Variants in MAP3K14 observed in about 807,000 individuals in gnomAD.
MAP3K14 encodes the protein mitogen-activated protein kinase kinase kinase 14.
MAP3K14 carries 16 observed loss-of-function variants against 99.2 expected under a neutral mutation model. The ratio of observed to expected loss-of-function variants is 0.16; its 90% CI spans 0.11 to 0.24. MAP3K14 has a LOEUF of 0.24. MAP3K14 is among the 10% of genes least tolerant of loss of function. MAP3K14 has a pLI of 1.00. For missense variants in MAP3K14, 784 were observed against 1,208.7 expected, an observed-to-expected ratio of 0.65 and a Z score of 5.21; for synonymous variants, 462 against 492.4, an observed-to-expected ratio of 0.94 and a Z score of 0.82.
intron 1 of MAP3K14, among the ~76,000 whole-genome samples, chr17:45,307,910 A>G (rs1028155578): frequency 2.6e-5 from 4 of 152,240 alleles, no homozygotes; most frequent in African/African-American, 9.6e-5. Flanking sequence ...GGCAACCTTG[A>G]CCCTGGCCTC....
rs1256136555 is a variant in MAP3K14 at position 45,289,158 on chromosome 17, CG to C, written c.326+77del. 3.1e-6 allele frequency: 4 copies of C among 1,294,406 alleles called. No individual in the cohort carries two copies. In the African/African-American group the frequency reaches 5.9e-5, roughly 19 times the overall value. 80.2% of individuals were successfully genotyped at this position (1,294,406 alleles called of 1,614,324 possible). A position where few individuals can be genotyped will look rare whatever the true frequency, so the allele number is the denominator to read the frequency against. Reference sequence around the variant, plus strand: ...GGAGGGAGCCCGGGGTCAGCAGGAGCGGCCCAGGCAAGTGCTGGGGACGAGG... The same window carrying C: ...GGAGGGAGCCCGGGGTCAGCAGGAGCGCCCAGGCAAGTGCTGGGGACGAGG... On this transcript the variant is annotated intron_variant, in intron 3 of 15. Coordinates refer to ENST00000344686, the MANE Select transcript of MAP3K14 (RefSeq NM_003954.5).
intron 1 of MAP3K14, among the ~76,000 whole-genome samples, chr17:45,293,244 T>C (rs1357913259): frequency 6.6e-6 from 1 of 152,218 alleles, no homozygotes. Context: ...CAGTTGCTGC[T>C]CTGAGGGGCA....
At chr17:45,285,529 G>C (rs985635085) in intron 5 of MAP3K14, among the ~76,000 whole-genome samples, 1 of 152,182 alleles carries the variant, frequency 6.6e-6, no homozygotes, top group Non-Finnish European at 1.5e-5. Context: ...GGGAGGCTGA[G>C]GTGGGAGAAT....
chr17:45,283,382 G>A (rs754841951), intron 6 of MAP3K14, among the ~76,000 whole-genome samples: 15 of 152,224 alleles, frequency 9.9e-5, no homozygotes, highest in Non-Finnish European at 1.5e-4. Context: ...CACTCAGCAC[G>A]TGTTGCCAGT....
chr17:45,315,333 T>C (rs1427172035), intron 1 of MAP3K14, among the ~76,000 whole-genome samples: 4 of 152,140 alleles, frequency 2.6e-5, no homozygotes, highest in Admixed American at 1.3e-4. Flanking sequence ...ACTCAGAAGA[T>C]GGCCTGAAGC....
intron 1 of MAP3K14, among the ~76,000 whole-genome samples, chr17:45,314,549 A>G (rs145947958): frequency 3.2e-4 from 49 of 152,284 alleles, no homozygotes; most frequent in African/African-American, 1.2e-3. Flanking sequence ...AGGAAGCATC[A>G]GACACAACTG....
intron 6 of MAP3K14, among the ~76,000 whole-genome samples, chr17:45,283,334 G>A (rs898951219): frequency 6.6e-6 from 1 of 152,230 alleles, no homozygotes; most frequent in Non-Finnish European, 1.5e-5. Context: ...GGAAGACGAT[G>A]ATCCACACTG....
rs888298005 is a variant in MAP3K14, at chr17:45,273,992, C to T, written c.1552+131G>A. On this transcript the variant is annotated intron_variant, in intron 8 of 15. Coordinates refer to ENST00000344686, the MANE Select transcript of MAP3K14 (RefSeq NM_003954.5). ...AACATCATTCCCCTTCCTACAGGCACAGTCCTGTCAGCCTGACTCAGGGCC... is the reference window on the plus strand; with the variant it reads ...AACATCATTCCCCTTCCTACAGGCATAGTCCTGTCAGCCTGACTCAGGGCC... 8.4e-6 allele frequency: 9 copies of T among 1,067,276 alleles called. No individual in the cohort carries two copies. The African/African-American group carries it at 1.1e-4, about 13-fold the overall frequency. 66.1% of individuals were successfully genotyped at this position (1,067,276 alleles called of 1,614,324 possible). A position where few individuals can be genotyped will look rare whatever the true frequency, so the allele number is the denominator to read the frequency against.
rs751681806 is a variant in MAP3K14, at chr17:45,267,085, G to A, written c.2433+7C>T. ...GAGCCATGGCTCCGGGGCCACAACC[G>A]ACTCACCTTCTCACTGTCATCCGAC... is the stretch of plus-strand genomic sequence containing the variant. On this transcript the variant is annotated splice_region_variant and intron_variant, in intron 13 of 15. Transcript: ENST00000344686. The surrounding 1 kb of genome is among the most constrained non-coding windows in gnomAD (Gnocchi z 5.1). 1.1e-5 allele frequency: 17 copies of A among 1,568,766 alleles called. No homozygotes were observed. In the South Asian group the frequency reaches 1.4e-4, roughly 13 times the overall value.
intron 2 of MAP3K14, among the ~76,000 whole-genome samples, chr17:45,289,979 TAGA>T (rs1354840841): frequency 1.3e-5 from 2 of 152,158 alleles, no homozygotes; most frequent in Non-Finnish European, 1.5e-5. Context: ...GTATCATGAG[TAGA>T]AGAAGAAAGG....
chr17:45,278,023 C>A (rs1278266513), intron 6 of MAP3K14, among the ~76,000 whole-genome samples: 3 of 152,188 alleles, frequency 2.0e-5, no homozygotes, highest in African/African-American at 4.8e-5. Flanking sequence ...CAAATGGCTA[C>A]TAAGTTGTTA....
intron 6 of MAP3K14, among the ~76,000 whole-genome samples, chr17:45,276,041 G>A (rs145593609): frequency 7.5e-4 from 114 of 152,202 alleles, no homozygotes; most frequent in East Asian, 6.8e-3. Flanking sequence ...GATTACAGGC[G>A]TGAGCCACCA....
At chr17:45,280,799 C>CG (rs1266904072) in intron 6 of MAP3K14, among the ~76,000 whole-genome samples, 4 of 151,438 alleles carry the variant, frequency 2.6e-5, no homozygotes, top group African/African-American at 9.7e-5. Flanking sequence ...TTGGTAGAGA[C>CG]GGGGTTTCAC....
At chr17:45,276,758 C>T (rs2044183015) in intron 6 of MAP3K14, among the ~76,000 whole-genome samples, 1 of 151,616 alleles carries the variant, frequency 6.6e-6, no homozygotes, top group Admixed American at 6.6e-5. Context: ...GGTGATCCGC[C>T]TACCTTGGCC....
chr17:45,309,281 C>G (rs763893252), intron 1 of MAP3K14, among the ~76,000 whole-genome samples: 1 of 152,232 alleles, frequency 6.6e-6, no homozygotes, highest in East Asian at 1.9e-4. Flanking sequence ...CACCCAGGCA[C>G]CTGCAGAATC....
At chr17:45,281,911 TG>T (rs1437935129) in intron 6 of MAP3K14, 1 of 152,118 alleles carries the variant, frequency 6.6e-6, no homozygotes, top group Non-Finnish European at 1.5e-5. Context: ...CCCAAAGTGC[TG>T]GGATTACAGG....
intron 1 of MAP3K14, among the ~76,000 whole-genome samples, chr17:45,309,107 G>C (rs550356312): frequency 1.3e-5 from 2 of 152,318 alleles, no homozygotes; most frequent in African/African-American, 4.8e-5. Context: ...ATGAGCCACT[G>C]TGCCCAAGCA....
chr17:45,268,971 A>G (rs1377097810), intron 11 of MAP3K14, among the ~76,000 whole-genome samples: 1 of 151,992 alleles, frequency 6.6e-6, no homozygotes, highest in Admixed American at 6.6e-5. Flanking sequence ...ACATCCCACC[A>G]ACTTTCTGCT....
At chr17:45,290,055 G>A (rs890584703) in intron 2 of MAP3K14, among the ~76,000 whole-genome samples, 3 of 152,230 alleles carry the variant, frequency 2.0e-5, no homozygotes, top group East Asian at 1.9e-4. Flanking sequence ...AGGCTCAAGA[G>A]CACGGTGCTC....
Sources: allele counts gnomAD v4.1 joint callset (sites outside exome capture counted in the v4.1 genomes callset), GRCh38; gene constraint gnomAD v4.1.1; non-coding constraint Gnocchi (gnomAD v3.1); transcripts MANE v1.5; gene names NCBI Gene and HGNC (gene_info 2026-07-23, HGNC 2026-07-21).